Variants in DLC1 observed in about 807,000 individuals in gnomAD.
The protein encoded by DLC1 is rho GTPase-activating protein 7.
Under a neutral mutation model 140.3 loss-of-function variants are expected in DLC1, and 54 were observed. The observed-to-expected ratio is 0.38, with a 90% CI of 0.31 to 0.48. The LOEUF is 0.48. Among genes scored for constraint, DLC1 ranks in the 20% least tolerant of loss-of-function variants. The pLI, the probability that DLC1 is intolerant of heterozygous loss-of-function variation, is 0.96. For missense variants in DLC1, 2,536 were observed against 1,907.0 expected, an observed-to-expected ratio of 1.33 and a Z score of -6.14; for synonymous variants, 986 against 728.1, an observed-to-expected ratio of 1.35 and a Z score of -5.70.
intron 4 of DLC1, among the ~76,000 whole-genome samples, chr8:13,392,493 T>A (rs1836805486): frequency 6.6e-6 from 1 of 152,206 alleles, no homozygotes; most frequent in Admixed American, 6.5e-5. Flanking sequence ...TGTTTTAAAA[T>A]CAGAGTATTA....
chr8:13,555,538 C>G (rs913678142), intron 1 of DLC1, among the ~76,000 whole-genome samples: 2 of 152,108 alleles, frequency 1.3e-5, no homozygotes. Flanking sequence ...GTTGCCCAGG[C>G]TGGAGGGCAG....
At chr8:13,516,680 CTTTAA>C (rs1388859363), upstream of DLC1, among the ~76,000 whole-genome samples, 2 of 152,148 alleles carry the variant, frequency 1.3e-5, no homozygotes, top group African/African-American at 4.8e-5. Flanking sequence ...ATTTAGGTTT[CTTTAA>C]TTTAATCTTC....
intron 1 of DLC1, among the ~76,000 whole-genome samples, chr8:13,569,644 G>T (rs1180768307): frequency 6.6e-6 from 1 of 152,056 alleles, no homozygotes; most frequent in East Asian, 1.9e-4. Flanking sequence ...TCAACCCCAA[G>T]CTATTTTTCA....
chr8:13,469,310 G>A (rs1333573910), intron 2 of DLC1, among the ~76,000 whole-genome samples: 4 of 152,122 alleles, frequency 2.6e-5, no homozygotes, highest in Non-Finnish European at 5.9e-5. Context: ...TTCTATATAT[G>A]CCATTAAGAT....
chr8:13,139,651 T>C (rs2128969403), intron 5 of DLC1, among the ~76,000 whole-genome samples: 1 of 152,316 alleles, frequency 6.6e-6, no homozygotes, highest in South Asian at 2.1e-4. Flanking sequence ...GAATTCCTTT[T>C]AAAGGCTATT....
chr8:13,499,538 A>G lies in DLC1; in HGVS notation c.534T>C (p.Ser178=). 1 of 1,614,038 alleles carries G rather than the reference A, an allele frequency of 6.2e-7. No homozygotes were observed. The highest frequency in any genetic ancestry group is 8.5e-7 in the Non-Finnish European group (1 of 1,179,996). ...TAGAGTCAGTAACTTTTCTCTCCCC[A>G]CTTTCTTTTACCAGTGCTAATTCAG... The part of the protein sequence containing the change: ...GETELALVKE[S]GERKVTDSIS... The change falls in exon 2 of 18, where the codon AGT becomes AGC. Residue 178 remains serine, a synonymous_variant. Transcript: ENST00000276297.
At chr8:13,122,284 G>A (rs575984432) in intron 5 of DLC1, among the ~76,000 whole-genome samples, 1 of 152,268 alleles carries the variant, frequency 6.6e-6, no homozygotes, top group East Asian at 1.9e-4. Flanking sequence ...CTCTTGGAAG[G>A]CCTCCAAATG....
At chr8:13,458,033 G>C (rs935177408) in intron 2 of DLC1, among the ~76,000 whole-genome samples, 1 of 152,108 alleles carries the variant, frequency 6.6e-6, no homozygotes, top group African/African-American at 2.4e-5. Flanking sequence ...ATTAATAATT[G>C]AAAAACTGAG....
chr8:13,564,491 C>T lies in DLC1; in HGVS notation c.-126+40046G>A, dbSNP rs750465344. ...AGAATATTTTTGAAGGCTCTGTCAT[C>T]GTAGTCTCTCTTATACTTAAACTAG... On this transcript the variant is annotated intron_variant, in intron 1 of 1. Coordinates refer to the DLC1 transcript ENST00000631382. Among the ~76,000 whole-genome samples the T allele has an allele frequency of 3.9e-5, 6 of 152,162 alleles. No individual in the cohort carries two copies. The East Asian group carries it at 5.8e-4, about 15-fold the overall frequency.
At chr8:13,361,818 C>T (rs1408873002) in intron 4 of DLC1, among the ~76,000 whole-genome samples, 2 of 152,162 alleles carry the variant, frequency 1.3e-5, no homozygotes. Flanking sequence ...GTAGGCGTTG[C>T]TGCCTAACTT....
chr8:13,304,252 A>G (rs1832325424), intron 5 of DLC1, among the ~76,000 whole-genome samples: 1 of 152,186 alleles, frequency 6.6e-6, no homozygotes, highest in African/African-American at 2.4e-5. Context: ...TGATATTAGT[A>G]CATTGTTATG....
At chr8:13,101,214 T>C (rs539003003) in intron 8 of DLC1, among the ~76,000 whole-genome samples, 1 of 152,340 alleles carries the variant, frequency 6.6e-6, no homozygotes, top group East Asian at 1.9e-4. Flanking sequence ...CCCGGTGTTT[T>C]GTTTTGTTCT....
At chr8:13,567,898 A>G in intron 1 of DLC1, 1 of 1,552,088 alleles carries the variant, frequency 6.4e-7, no homozygotes, top group East Asian at 2.4e-5. Context: ...GCCATTTCTC[A>G]AGCGACTTAC....
chr8:13,563,220 T>G (rs1390584580), intron 1 of DLC1, among the ~76,000 whole-genome samples: 6 of 152,154 alleles, frequency 3.9e-5, no homozygotes, highest in African/African-American at 1.4e-4. Flanking sequence ...GGATCCTGAT[T>G]CTAACACTTC....
intron 5 of DLC1, among the ~76,000 whole-genome samples, chr8:13,296,557 A>C (rs1831963482): frequency 6.6e-6 from 1 of 152,180 alleles, no homozygotes; most frequent in Non-Finnish European, 1.5e-5. Context: ...ATATTATGAA[A>C]AGTCCTGGAC....
chr8:13,554,215 C>T (rs889351748), intron 1 of DLC1, among the ~76,000 whole-genome samples: 2 of 151,930 alleles, frequency 1.3e-5, no homozygotes, highest in East Asian at 1.9e-4. Context: ...TACAGAGGCC[C>T]GCCAACACAC....
chr8:13,493,092 G>T (rs1801338104), intron 2 of DLC1, among the ~76,000 whole-genome samples: 1 of 152,142 alleles, frequency 6.6e-6, no homozygotes, highest in African/African-American at 2.4e-5. Flanking sequence ...TTCATTGCCA[G>T]CTCCAGTCTT....
chr8:13,140,534 C>A (rs1563674247), intron 5 of DLC1, among the ~76,000 whole-genome samples: 1 of 146,128 alleles, frequency 6.8e-6, no homozygotes, highest in Admixed American at 6.9e-5. Context: ...GCCTGGCCAA[C>A]TTTTTTTTTT....
intron 2 of DLC1, among the ~76,000 whole-genome samples, chr8:13,480,400 A>G (rs768286747): frequency 3.5e-4 from 53 of 152,174 alleles, no homozygotes; most frequent in Non-Finnish European, 6.2e-4. Flanking sequence ...GAAAGAACGT[A>G]AAAGAAAATC....
Sources: gnomAD v4.1 joint callset for allele counts (sites outside exome capture counted in the v4.1 genomes callset) on GRCh38, gnomAD v4.1.1 for gene constraint, MANE v1.5 for transcripts, NCBI Gene and HGNC (gene_info 2026-07-23, HGNC 2026-07-21) for gene names.